WDPCP: variants seen among roughly 807,000 people sequenced by gnomAD.
WDPCP encodes WD repeat containing planar cell polarity effector, also known as WD repeat-containing and planar cell polarity effector protein fritz homolog.
WDPCP carries 71 observed loss-of-function variants against 93.1 expected under a neutral mutation model. The observed-to-expected ratio is 0.76, with a 90% CI of 0.63 to 0.93. The LOEUF (loss-of-function observed/expected upper bound fraction) is 0.93. Among genes scored for constraint, WDPCP ranks in the 40% least tolerant of loss-of-function variants. The probability of loss-of-function intolerance (pLI) is 0.00; values close to 1 mark genes in which losing one functional copy is unlikely to be tolerated. For missense variants in WDPCP, 844 were observed against 887.4 expected (o/e 0.95, Z 0.62); for synonymous variants, 315 against 315.0 (o/e 1.00, Z 0.00).
At chr2:63,186,999 C>T (rs986564319) in intron 14 of WDPCP, among the ~76,000 whole-genome samples, 13 of 151,944 alleles carry the variant, frequency 8.6e-5, no homozygotes, top group African/African-American at 2.7e-4. Flanking sequence ...ATGTATTTAT[C>T]CCTTCAATTC....
intron 13 of WDPCP, among the ~76,000 whole-genome samples, chr2:63,297,062 A>C (rs1198567102): frequency 6.6e-6 from 1 of 152,180 alleles, no homozygotes; most frequent in Non-Finnish European, 1.5e-5. Context: ...ACTGACTCCA[A>C]TAAGGATGGC....
intron 13 of WDPCP, among the ~76,000 whole-genome samples, chr2:63,286,326 T>A (rs1683999088): frequency 6.6e-6 from 1 of 152,164 alleles, no homozygotes; most frequent in Admixed American, 6.5e-5. Context: ...ACTGATGACA[T>A]TCCACCATTG....
chr2:63,212,252 GACTA>G (rs1676884799), intron 14 of WDPCP, among the ~76,000 whole-genome samples: 4 of 152,206 alleles, frequency 2.6e-5, no homozygotes. Context: ...AAGCCCATCA[GACTA>G]ACAGCAGATC....
At chr2:63,325,259 G>C (rs1254168407) in intron 12 of WDPCP, among the ~76,000 whole-genome samples, 1 of 152,020 alleles carries the variant, frequency 6.6e-6, no homozygotes, top group Non-Finnish European at 1.5e-5. Context: ...TATCAGTGTG[G>C]TTTACAAGGA....
chr2:63,499,917 C>T (rs1347108675), intron 1 of WDPCP, among the ~76,000 whole-genome samples: 3 of 152,234 alleles, frequency 2.0e-5, no homozygotes, highest in Non-Finnish European at 2.9e-5. Context: ...TTCCTAGCTA[C>T]TAACCTGGCT....
At chr2:63,742,221 G>C (rs1390882999) in intron 2 of WDPCP, among the ~76,000 whole-genome samples, 1 of 151,836 alleles carries the variant, frequency 6.6e-6, no homozygotes, top group African/African-American at 2.4e-5. Context: ...AGATAAAATG[G>C]AAAGAAAGAA....
At chr2:63,137,123 G>T (rs1230644248) in intron 17 of WDPCP, among the ~76,000 whole-genome samples, 1 of 152,138 alleles carries the variant, frequency 6.6e-6, no homozygotes, top group African/African-American at 2.4e-5. Context: ...AGGACGTTGA[G>T]GAATCACTGC....
rs201353649 is a variant in WDPCP at position 63,594,449 on chromosome 2, G to A, written n.488+56210C>T. On this transcript the variant is annotated intron_variant and non_coding_transcript_variant, in intron 3 of 4. Coordinates refer to the WDPCP transcript ENST00000467687. ...AAATCCTGGATATTTTTAAGGTACA[G>A]TAGTACTTAAAGATGTTAATGGGTC... 9.7e-5 allele frequency: 128 copies of A among 1,315,382 alleles called. No individual in the cohort carries two copies. In the African/African-American group the frequency reaches 1.7e-3, roughly 18 times the overall value. 81.5% of individuals were successfully genotyped at this position (1,315,382 alleles called of 1,614,324 possible).
intron 12 of WDPCP, among the ~76,000 whole-genome samples, chr2:63,339,958 G>A (rs1300363657): frequency 1.3e-5 from 2 of 151,918 alleles, no homozygotes; most frequent in African/African-American, 4.8e-5. Context: ...ATAATCATAT[G>A]TTTTTTGTTA....
At chr2:63,467,754 C>T (rs1156929688) in intron 6 of WDPCP, among the ~76,000 whole-genome samples, 7 of 118,594 alleles carry the variant, frequency 5.9e-5, no homozygotes, top group South Asian at 2.8e-4. Context: ...CCAGCCTGGG[C>T]GACAGAGCAA....
chr2:63,292,013 G>A (rs1474238137), intron 13 of WDPCP, among the ~76,000 whole-genome samples: 1 of 149,524 alleles, frequency 6.7e-6, no homozygotes, highest in African/African-American at 2.5e-5. Flanking sequence ...GGCGCCTGTA[G>A]TCCCAGCTAC....
chr2:63,164,593 A>G (rs1357318275), intron 15 of WDPCP, among the ~76,000 whole-genome samples: 3 of 152,152 alleles, frequency 2.0e-5, no homozygotes, highest in Non-Finnish European at 4.4e-5. Flanking sequence ...TGCTAGCATC[A>G]TGCTTCCTGT....
chr2:63,517,806 C>G (rs1402135669), intron 1 of WDPCP: 1 of 152,210 alleles, frequency 6.6e-6, no homozygotes, highest in African/African-American at 2.4e-5. Flanking sequence ...CTACTTCAAT[C>G]TGTAGTTAGA....
chr2:63,385,340 G>A (rs1373841102), intron 10 of WDPCP, among the ~76,000 whole-genome samples: 7 of 152,068 alleles, frequency 4.6e-5, no homozygotes, highest in African/African-American at 1.2e-4. Context: ...ATAAGATGAT[G>A]TAACACTTCT....
chr2:63,228,547 G>C (rs1295418613), intron 14 of WDPCP: 10 of 151,378 alleles, frequency 6.6e-5, no homozygotes. Flanking sequence ...TCGTCATTTA[G>C]CATTAGGTAT....
At chr2:63,396,316 A>G (rs1429705539) in intron 10 of WDPCP, among the ~76,000 whole-genome samples, 1 of 152,240 alleles carries the variant, frequency 6.6e-6, no homozygotes, top group African/African-American at 2.4e-5. Context: ...AATTTCCAAG[A>G]GAAAAATCAT....
intron 17 of WDPCP, among the ~76,000 whole-genome samples, chr2:63,128,988 A>G (rs1465029233): frequency 5.9e-5 from 9 of 152,176 alleles, no homozygotes; most frequent in African/African-American, 2.2e-4. Flanking sequence ...TGTCTCTAAG[A>G]ATTTGACTAT....
At chr2:63,722,141 C>T (rs1442014382) in intron 2 of WDPCP, among the ~76,000 whole-genome samples, 6 of 152,058 alleles carry the variant, frequency 3.9e-5, no homozygotes, top group Non-Finnish European at 7.4e-5. Context: ...AGCCTCTGCC[C>T]GGCCGCCACC....
intron 14 of WDPCP, among the ~76,000 whole-genome samples, chr2:63,194,281 T>C (rs1376781727): frequency 6.6e-6 from 1 of 152,010 alleles, no homozygotes; most frequent in African/African-American, 2.4e-5. Flanking sequence ...GGATGTTCAA[T>C]AAGTGTCAGC....
Sources: gnomAD v4.1 joint callset for allele counts (sites outside exome capture counted in the v4.1 genomes callset) on GRCh38, gnomAD v4.1.1 for gene constraint, MANE v1.5 for transcripts, NCBI Gene and HGNC (gene_info 2026-07-23, HGNC 2026-07-21) for gene names.